Variants in SH3D19 observed in about 807,000 individuals in gnomAD.
The protein encoded by SH3D19 is SH3 domain-containing protein 19.
SH3D19 carries 58 observed loss-of-function variants against 112.1 expected under a neutral mutation model. The observed-to-expected ratio is 0.52, with a 90% CI of 0.42 to 0.64. The LOEUF is 0.64. Among genes scored for constraint, SH3D19 ranks in the 30% least tolerant of loss-of-function variants. The pLI is 0.00. For synonymous variants in SH3D19, 391 were observed against 448.5 expected (o/e 0.87, Z 1.62); for missense variants, 1,090 against 1,263.4 (o/e 0.86, Z 2.08).
intron 1 of SH3D19, among the ~76,000 whole-genome samples, chr4:151,276,254 C>T (rs1669905499): frequency 6.6e-6 from 1 of 152,184 alleles, no homozygotes; most frequent in Non-Finnish European, 1.5e-5. Flanking sequence ...AGACCTAGCA[C>T]CCTACAAACA....
intron 2 of SH3D19, among the ~76,000 whole-genome samples, chr4:151,203,224 C>A (rs971355718): frequency 6.6e-6 from 1 of 152,128 alleles, no homozygotes; most frequent in Non-Finnish European, 1.5e-5. Flanking sequence ...ACCCCATCAT[C>A]GCCACCAGCC....
At chr4:151,179,513 T>A (rs944702027) in intron 3 of SH3D19, 116 bp from the exon 4 acceptor site, 1 of 418,918 alleles carries the variant, frequency 2.4e-6, no homozygotes, top group Non-Finnish European at 3.8e-6. Flanking sequence ...ATAGAATGTA[T>A]GAATTTTAAT....
chr4:151,285,223 C>T (rs115341244), intron 1 of SH3D19, among the ~76,000 whole-genome samples: 20 of 152,192 alleles, frequency 1.3e-4, no homozygotes, highest in African/African-American at 4.6e-4. Context: ...AACTGTTACC[C>T]GAAGCAGAGT....
intron 15 of SH3D19, among the ~76,000 whole-genome samples, chr4:151,134,695 G>A (rs1374083818): frequency 2.0e-5 from 3 of 152,200 alleles, no homozygotes. Context: ...CTGCACTGAT[G>A]TTGGAGAGTT....
At chr4:151,152,430 G>T (rs780640238) in intron 9 of SH3D19, among the ~76,000 whole-genome samples, 1 of 151,512 alleles carries the variant, frequency 6.6e-6, no homozygotes, top group African/African-American at 2.4e-5. Flanking sequence ...TATTGTCTCT[G>T]CAGATTCCAT....
Position 151,226,034 on chromosome 4 carries a change from T to C in SH3D19, c.152+13A>G. The C allele has an allele frequency of 8.1e-7, 1 of 1,229,696 alleles. No individual in the cohort carries two copies. The highest frequency in any genetic ancestry group is 1.0e-6 in the Non-Finnish European group (1 of 985,780). The allele number at this position is 1,229,696 out of a possible 1,614,324, so 76.2% of individuals were successfully genotyped here. ...AGCTTTATACAGAATTATTAGATAC[T>C]GTAAATTCATACCTTGAAGAACGAT... On this transcript the variant is annotated intron_variant, in intron 2 of 19. Coordinates refer to ENST00000604030, the MANE Select transcript of SH3D19 (RefSeq NM_001378122.1).
intron 1 of SH3D19, among the ~76,000 whole-genome samples, chr4:151,272,870 G>C (rs1773323495): frequency 6.6e-6 from 1 of 151,866 alleles, no homozygotes; most frequent in South Asian, 2.1e-4. Flanking sequence ...GGTTCAAATG[G>C]TAACAGCCTC....
chr4:151,315,399 A>C (rs1729888528), intron 1 of SH3D19, among the ~76,000 whole-genome samples: 1 of 152,202 alleles, frequency 6.6e-6, no homozygotes, highest in African/African-American at 2.4e-5. Context: ...ATTGGAAAGG[A>C]ATTTATATTA....
At chr4:151,215,866 C>T (rs574403716) in intron 2 of SH3D19, among the ~76,000 whole-genome samples, 1 of 151,716 alleles carries the variant, frequency 6.6e-6, no homozygotes, top group African/African-American at 2.4e-5. Context: ...TGCTCTGTTG[C>T]CCAGGCTGGA....
chr4:151,133,203 A>C lies in SH3D19; in HGVS notation c.2520T>G (p.Ile840Met). 6.2e-7 allele frequency: 1 copy of C among 1,614,096 alleles called. No individual in the cohort carries two copies. Among genetic ancestry groups the C allele is most frequent in the Non-Finnish European group, 8.5e-7 (1 of 1,180,004 alleles). The change falls in exon 16 of 20, where the codon ATT becomes ATG. Residue 840 changes from isoleucine (I) to methionine (M), a missense_variant. Transcript: ENST00000604030. ...AACTCAACTCATCCTTCTGCTCTCCAATATATTCAAACCGAGCAACACATC... is the reference window on the plus strand; with the variant it reads ...AACTCAACTCATCCTTCTGCTCTCCCATATATTCAAACCGAGCAACACATC... Reference protein sequence around the residue: ...GSRCVARFEYIGEQKDELSFS... With the variant: ...GSRCVARFEYMGEQKDELSFS...
At chr4:151,234,880 A>G (rs1377548411) in intron 1 of SH3D19, among the ~76,000 whole-genome samples, 2 of 150,518 alleles carry the variant, frequency 1.3e-5, no homozygotes, top group African/African-American at 2.4e-5. Flanking sequence ...AGTAGCTGGG[A>G]CTACAGGTAT....
chr4:151,258,164 C>G (rs1270581687), intron 1 of SH3D19, among the ~76,000 whole-genome samples: 1 of 152,226 alleles, frequency 6.6e-6, no homozygotes, highest in Non-Finnish European at 1.5e-5. Flanking sequence ...CCCTATAGAT[C>G]CTGTTCCACA....
intron 1 of SH3D19, among the ~76,000 whole-genome samples, chr4:151,270,211 G>A (rs552279412): frequency 4.4e-4 from 67 of 152,266 alleles, no homozygotes; most frequent in African/African-American, 1.6e-3. Flanking sequence ...CAAATCTCAT[G>A]TTGAATTGTA....
intron 1 of SH3D19, among the ~76,000 whole-genome samples, chr4:151,263,805 G>A (rs67880087): frequency 1.5e-5 from 1 of 67,790 alleles, no homozygotes; most frequent in Non-Finnish European, 4.7e-5. Flanking sequence ...TGTTGTTGTT[G>A]TTGTTGTTGT....
At chr4:151,302,055 A>C (rs1271269664) in intron 1 of SH3D19, among the ~76,000 whole-genome samples, 1 of 151,972 alleles carries the variant, frequency 6.6e-6, no homozygotes, top group Non-Finnish European at 1.5e-5. Flanking sequence ...CCCTCTGTGT[A>C]AAAAGATTAT....
At chr4:151,251,877 A>G (rs188620582) in intron 1 of SH3D19, among the ~76,000 whole-genome samples, 1 of 152,178 alleles carries the variant, frequency 6.6e-6, no homozygotes, top group Non-Finnish European at 1.5e-5. Context: ...TCACTGCTAC[A>G]TGACTAGCAC....
At chr4:151,288,508 A>G (rs1051280642) in intron 1 of SH3D19, among the ~76,000 whole-genome samples, 1 of 152,168 alleles carries the variant, frequency 6.6e-6, no homozygotes, top group Admixed American at 6.5e-5. Flanking sequence ...GCACTTTGGG[A>G]GGCCAAGGCA....
At chr4:151,148,765 A>G (rs1052420420) in intron 10 of SH3D19, among the ~76,000 whole-genome samples, 7 of 152,064 alleles carry the variant, frequency 4.6e-5, no homozygotes, top group Admixed American at 1.3e-4. Context: ...TTCGGCTGGG[A>G]GTGGTGGCTC....
At chr4:151,190,634 C>T (rs1443619349) in intron 2 of SH3D19, among the ~76,000 whole-genome samples, 1 of 152,164 alleles carries the variant, frequency 6.6e-6, no homozygotes, top group Non-Finnish European at 1.5e-5. Context: ...GTTGAGCGTG[C>T]AAGTGCACAG....
Sources: allele counts gnomAD v4.1 joint callset (sites outside exome capture counted in the v4.1 genomes callset), GRCh38; gene constraint gnomAD v4.1.1; transcripts MANE v1.5; gene names NCBI Gene and HGNC (gene_info 2026-07-23, HGNC 2026-07-21).